Variants in EPM2A observed in about 807,000 individuals in gnomAD.
The protein encoded by EPM2A is EPM2A glucan phosphatase, laforin.
EPM2A carries 21 observed loss-of-function variants against 26.5 expected under a neutral mutation model. The observed-to-expected ratio is 0.79, with a 90% CI of 0.56 to 1.14. The LOEUF (loss-of-function observed/expected upper bound fraction) is 1.14. Among genes scored for constraint, EPM2A ranks in the 50% most tolerant of loss-of-function variants. The pLI is 0.00. For missense variants in EPM2A, 458 were observed against 440.8 expected (o/e 1.04, Z -0.35); for synonymous variants, 217 against 177.6 (o/e 1.22, Z -1.76).
At chr6:145,473,365 A>T (rs1410427803) in intron 4 of EPM2A, among the ~76,000 whole-genome samples, 1 of 152,028 alleles carries the variant, frequency 6.6e-6, no homozygotes, top group Non-Finnish European at 1.5e-5. Context: ...TACAGAGAAG[A>T]CAAAAGAAAA....
At chr6:145,699,770 A>G (rs545648738) in intron 1 of EPM2A, among the ~76,000 whole-genome samples, 2 of 152,306 alleles carry the variant, frequency 1.3e-5, no homozygotes, top group South Asian at 4.1e-4. Context: ...AGAATTACAC[A>G]TCTCTAACCA....
chr6:145,620,429 T>C (rs1775608973), downstream of EPM2A, among the ~76,000 whole-genome samples: 1 of 152,208 alleles, frequency 6.6e-6, no homozygotes, highest in Admixed American at 6.5e-5. Flanking sequence ...GGACCACTAC[T>C]GTGGCCTGTT....
chr6:145,589,041 C>G (rs1442673131), intron 2 of EPM2A, among the ~76,000 whole-genome samples: 1 of 152,198 alleles, frequency 6.6e-6, no homozygotes, highest in Non-Finnish European at 1.5e-5. Context: ...GGAAAAGGCC[C>G]TGCCCCAACC....
At chr6:145,636,194 G>GA (rs1452260728) in intron 2 of EPM2A, 1 of 152,240 alleles carries the variant, frequency 6.6e-6, no homozygotes, top group Admixed American at 6.5e-5. Flanking sequence ...AACCCAAGGA[G>GA]AAAAAACATA....
intron 1 of EPM2A, among the ~76,000 whole-genome samples, chr6:145,716,098 A>G (rs754947962): frequency 2.1e-4 from 32 of 152,322 alleles, no homozygotes; most frequent in Non-Finnish European, 2.9e-5. Flanking sequence ...CAATGCCAGC[A>G]CATCACTCCA....
At chr6:145,408,459 A>T (rs1778599511) in intron 4 of EPM2A, among the ~76,000 whole-genome samples, 2 of 152,142 alleles carry the variant, frequency 1.3e-5, no homozygotes, top group African/African-American at 4.8e-5. Context: ...ACCAAAAACC[A>T]CATTGTCAGG....
chr6:145,654,691 T>A (rs1298229935), intron 2 of EPM2A, among the ~76,000 whole-genome samples: 4 of 152,210 alleles, frequency 2.6e-5, no homozygotes, highest in Admixed American at 2.6e-4. Flanking sequence ...TTCCTCATTA[T>A]GTAAAAGGAA....
At chr6:145,417,794 GAA>G (rs1562326971) in intron 4 of EPM2A, among the ~76,000 whole-genome samples, 1 of 150,606 alleles carries the variant, frequency 6.6e-6, no homozygotes, top group Non-Finnish European at 1.5e-5. Context: ...CGTGAATGCA[GAA>G]AGTCCTCCCC....
intron 4 of EPM2A, among the ~76,000 whole-genome samples, chr6:145,482,202 A>C (rs988933914): frequency 6.6e-6 from 1 of 152,198 alleles, no homozygotes; most frequent in South Asian, 2.1e-4. Context: ...TTTCAGTAGC[A>C]CTATTAGTTG....
At chr6:145,474,511 T>C (rs535063812) in intron 4 of EPM2A, among the ~76,000 whole-genome samples, 14 of 151,802 alleles carry the variant, frequency 9.2e-5, no homozygotes, top group Non-Finnish European at 1.3e-4. Flanking sequence ...CCTAAAACCA[T>C]AAAAACCCTA....
At chr6:145,417,553 G>A (rs996104359) in intron 4 of EPM2A, among the ~76,000 whole-genome samples, 1 of 152,164 alleles carries the variant, frequency 6.6e-6, no homozygotes, top group African/African-American at 2.4e-5. Flanking sequence ...AGAACTTTAA[G>A]ATGAAATTTC....
Position 145,425,212 on chromosome 6 carries a change from C to T in EPM2A, c.556-41115G>A, listed in dbSNP as rs530219964. ...TTTCTTTGACGTAGTCTTGCTCTGCCGCCCAGGCTGGAGTGCAGTGGCGTG... is the reference window on the plus strand; with the variant it reads ...TTTCTTTGACGTAGTCTTGCTCTGCTGCCCAGGCTGGAGTGCAGTGGCGTG... On this transcript the variant is annotated intron_variant, in intron 4 of 4. Coordinates refer to the EPM2A transcript ENST00000638717. Among the ~76,000 whole-genome samples the T allele has an allele frequency of 5.3e-5, 8 of 149,896 alleles. No homozygotes were observed. The South Asian group carries it at 6.3e-4, about 12-fold the overall frequency.
chr6:145,465,991 A>G (rs547755768), intron 4 of EPM2A, among the ~76,000 whole-genome samples: 259 of 152,176 alleles, frequency 1.7e-3, no homozygotes, highest in Non-Finnish European at 5.1e-4. Context: ...ATCAATTCAA[A>G]ATGGATTAAA....
At chr6:145,667,728 A>G (rs9497390) in intron 2 of EPM2A, among the ~76,000 whole-genome samples, 56,602 of 108,470 alleles carry the variant, frequency 0.52, 14,426 homozygotes, top group East Asian at 0.63. Context: ...TGTTTATTGC[A>G]GCATTATTCA....
intron 2 of EPM2A, among the ~76,000 whole-genome samples, chr6:145,613,469 G>A (rs1418429788): frequency 6.6e-6 from 1 of 152,076 alleles, no homozygotes; most frequent in Non-Finnish European, 1.5e-5. Flanking sequence ...CTAGGATGAT[G>A]AATCTTTTCA....
intron 2 of EPM2A, among the ~76,000 whole-genome samples, chr6:145,538,117 C>G (rs1323373069): frequency 1.3e-5 from 2 of 152,084 alleles, no homozygotes; most frequent in African/African-American, 4.8e-5. Flanking sequence ...GGTATATTTA[C>G]CCAGTAATGG....
At chr6:145,563,907 T>C (rs992121450) in intron 2 of EPM2A, among the ~76,000 whole-genome samples, 1 of 152,190 alleles carries the variant, frequency 6.6e-6, no homozygotes, top group African/African-American at 2.4e-5. Context: ...AGTTCTCCCT[T>C]GGTATCCCTG....
chr6:145,581,514 T>C (rs1180310237), intron 2 of EPM2A, among the ~76,000 whole-genome samples: 1 of 152,228 alleles, frequency 6.6e-6, no homozygotes, highest in East Asian at 1.9e-4. Flanking sequence ...GTCTAATTTG[T>C]CAATTTTTGT....
chr6:145,561,398 G>A (rs1048402726), intron 2 of EPM2A, among the ~76,000 whole-genome samples: 3 of 151,998 alleles, frequency 2.0e-5, no homozygotes, highest in Admixed American at 6.6e-5. Flanking sequence ...TAGGTAGCTC[G>A]GGACTGTACA....
Sources: allele counts gnomAD v4.1 joint callset (sites outside exome capture counted in the v4.1 genomes callset), GRCh38; gene constraint gnomAD v4.1.1; transcripts MANE v1.5; gene names NCBI Gene and HGNC (gene_info 2026-07-23, HGNC 2026-07-21).